The following MACROD2 variants were observed in gnomAD, a reference collection of about 807,000 sequenced individuals.
MACROD2 encodes ADP-ribose glycohydrolase MACROD2.
In MACROD2, 36 loss-of-function variants were observed where a neutral mutation model predicts 70.4. That is an observed-to-expected ratio of 0.51 (90% CI 0.39 to 0.68). The LOEUF (loss-of-function observed/expected upper bound fraction) is 0.68. Among genes scored for constraint, MACROD2 ranks in the 30% least tolerant of loss-of-function variants. MACROD2 has a pLI of 0.00. For missense variants in MACROD2, 496 were observed against 538.4 expected, an observed-to-expected ratio of 0.92 and a Z score of 0.78; for synonymous variants, 172 against 178.8, an observed-to-expected ratio of 0.96 and a Z score of 0.30.
intron 6 of MACROD2, among the ~76,000 whole-genome samples, chr20:15,307,246 G>C (rs913485940): frequency 2.6e-5 from 4 of 152,188 alleles, no homozygotes; most frequent in African/African-American, 9.7e-5. Flanking sequence ...CTATAGTAGG[G>C]AAAGCTTTGG....
intron 5 of MACROD2, among the ~76,000 whole-genome samples, chr20:15,051,649 C>G (rs1426085078): frequency 2.0e-5 from 3 of 151,754 alleles, no homozygotes; most frequent in Non-Finnish European, 1.5e-5. Context: ...TTAATCACAT[C>G]AACAAAATAG....
chr20:14,878,558 G>A (rs1183909284), intron 5 of MACROD2, among the ~76,000 whole-genome samples: 1 of 152,036 alleles, frequency 6.6e-6, no homozygotes, highest in East Asian at 1.9e-4. Context: ...CAGGATAGGG[G>A]ACCATAGAGC....
At position 14,954,573 on chromosome 20, in the gene MACROD2, G is replaced by GTATAAAT. The variant is rs1247797109; in HGVS notation, c.418+269626_418+269632dup. On this transcript the variant is annotated intron_variant, in intron 5 of 17. Transcript: ENST00000684519. ...ATAAATAAATTATAAATATATAAAT[G>GTATAAAT]TATAAATTATAAATTATATATAATA... 1.9e-3 allele frequency among the ~76,000 whole-genome samples: 245 copies of GTATAAAT among 128,912 alleles called. No individual in the cohort carries two copies. In the Middle Eastern group the frequency reaches 0.027, roughly 14 times the overall value. The allele number at this position is 128,912 out of a possible 152,430, so 84.6% of individuals were successfully genotyped here. A position where few individuals can be genotyped will look rare whatever the true frequency, so the allele number is the denominator to read the frequency against.
At chr20:16,036,848 C>T (rs891972146) in intron 15 of MACROD2, among the ~76,000 whole-genome samples, 1 of 151,968 alleles carries the variant, frequency 6.6e-6, no homozygotes. Flanking sequence ...TACCATTGCA[C>T]ACATATGCAT....
chr20:14,956,831 C>G (rs576030620), intron 5 of MACROD2, among the ~76,000 whole-genome samples: 1 of 152,190 alleles, frequency 6.6e-6, no homozygotes, highest in East Asian at 1.9e-4. Flanking sequence ...TGGGCAGTTG[C>G]CACACGCTTC....
chr20:14,678,069 G>A (rs772939921), intron 4 of MACROD2, among the ~76,000 whole-genome samples: 1 of 152,154 alleles, frequency 6.6e-6, no homozygotes, highest in East Asian at 1.9e-4. Context: ...AGTCTAGTAT[G>A]GGAAGTGGGA....
intron 12 of MACROD2, among the ~76,000 whole-genome samples, chr20:15,964,705 A>G (rs1193942885): frequency 6.6e-6 from 1 of 152,224 alleles, no homozygotes; most frequent in Non-Finnish European, 1.5e-5. Flanking sequence ...ACTAAATATA[A>G]TGTAATGAGA....
At chr20:15,415,833 G>T (rs80336930) in intron 6 of MACROD2, among the ~76,000 whole-genome samples, 6,321 of 152,200 alleles carry the variant, frequency 0.042, 174 homozygotes, top group Middle Eastern at 0.075. Flanking sequence ...TGACAATCTA[G>T]TGTATGGACT....
At chr20:15,143,974 A>AC (rs1442412893) in intron 5 of MACROD2, among the ~76,000 whole-genome samples, 16 of 146,344 alleles carry the variant, frequency 1.1e-4, no homozygotes, top group Non-Finnish European at 1.5e-4. Context: ...AAAAAAAAAA[A>AC]ACCTCATAAT....
At position 15,683,386 on chromosome 20, in the gene MACROD2, A is replaced by G. The variant is rs80070217; in HGVS notation, c.646-179359A>G. 3.1e-3 allele frequency among the ~76,000 whole-genome samples: 479 copies of G among 152,362 alleles called. 21 individuals are homozygous for G. In the East Asian group the frequency reaches 0.075, roughly 24 times the overall value. On this transcript the variant is annotated intron_variant, in intron 8 of 17. Coordinates refer to ENST00000684519, the MANE Select transcript of MACROD2 (RefSeq NM_001351661.2). ...CATCATCCTAGAAATTATTTCAGAA[A>G]TAACCAAGATGGTAATTCCCATTTA... is the stretch of plus-strand genomic sequence containing the variant.
chr20:15,048,942 T>G (rs1175509512), intron 5 of MACROD2, among the ~76,000 whole-genome samples: 1 of 152,144 alleles, frequency 6.6e-6, no homozygotes, highest in Non-Finnish European at 1.5e-5. Context: ...TTTTTTTTCT[T>G]TTTAATGGTT....
At chr20:14,363,323 G>T (rs1275501127) in intron 3 of MACROD2, among the ~76,000 whole-genome samples, 6 of 152,126 alleles carry the variant, frequency 3.9e-5, no homozygotes, top group Non-Finnish European at 8.8e-5. Context: ...AAATAGAGGA[G>T]TAGAGAGGGT....
At chr20:15,415,895 C>A (rs184212648) in intron 6 of MACROD2, among the ~76,000 whole-genome samples, 1 of 152,244 alleles carries the variant, frequency 6.6e-6, no homozygotes, top group East Asian at 1.9e-4. Context: ...CTTAGTGAAT[C>A]CTAGGTTTGT....
chr20:14,199,511 G>A (rs142410100), intron 3 of MACROD2, among the ~76,000 whole-genome samples: 125 of 152,264 alleles, frequency 8.2e-4, no homozygotes, highest in African/African-American at 2.9e-3. Flanking sequence ...AAAATGCACA[G>A]TATACTCTTA....
At chr20:15,682,988 A>G (rs981196960) in intron 8 of MACROD2, among the ~76,000 whole-genome samples, 6 of 152,210 alleles carry the variant, frequency 3.9e-5, no homozygotes. Context: ...CCTGCTAAAA[A>G]TGACCCCAGG....
At chr20:15,366,081 A>G (rs2045404945) in intron 6 of MACROD2, among the ~76,000 whole-genome samples, 1 of 152,228 alleles carries the variant, frequency 6.6e-6, no homozygotes, top group South Asian at 2.1e-4. Context: ...TGGAGGCAGA[A>G]GAGAACAGAG....
chr20:14,699,254 T>G (rs747013996), intron 5 of MACROD2, among the ~76,000 whole-genome samples: 1 of 152,122 alleles, frequency 6.6e-6, no homozygotes, highest in Non-Finnish European at 1.5e-5. Flanking sequence ...AGTGATAATT[T>G]TATGGGTTTG....
chr20:15,782,381 T>C (rs2051848566), intron 8 of MACROD2, among the ~76,000 whole-genome samples: 1 of 152,148 alleles, frequency 6.6e-6, no homozygotes, highest in Non-Finnish European at 1.5e-5. Flanking sequence ...TCTTCTAGTC[T>C]TCAGTTGCAA....
intron 5 of MACROD2, among the ~76,000 whole-genome samples, chr20:14,762,970 G>GTT (rs1452660818): frequency 1.3e-5 from 2 of 151,860 alleles, no homozygotes; most frequent in Non-Finnish European, 2.9e-5. Flanking sequence ...ATAAATGACA[G>GTT]ACAGGTAAGC....
Sources: allele counts gnomAD v4.1 joint callset (sites outside exome capture counted in the v4.1 genomes callset), GRCh38; gene constraint gnomAD v4.1.1; transcripts MANE v1.5; gene names NCBI Gene and HGNC (gene_info 2026-07-23, HGNC 2026-07-21).